TRRAP: variants seen among roughly 807,000 people sequenced by gnomAD.
TRRAP encodes the protein transformation/transcription domain associated protein.
TRRAP carries 41 observed loss-of-function variants against 438.8 expected under a neutral mutation model. The ratio of observed to expected loss-of-function variants is 0.09; its 90% CI spans 0.07 to 0.12. TRRAP has a LOEUF of 0.12. Ranked by LOEUF, TRRAP falls within the 10% of genes least tolerant of loss-of-function variation. The pLI is 1.00. For synonymous variants in TRRAP, 1,994 were observed against 1,962.9 expected (o/e 1.02, Z -0.42); for missense variants, 3,122 against 5,055.1 (o/e 0.62, Z 11.60).
intron 6 of TRRAP, among the ~76,000 whole-genome samples, chr7:98,895,364 G>C (rs1240166711): frequency 1.3e-5 from 2 of 152,124 alleles, no homozygotes; most frequent in African/African-American, 4.8e-5. Flanking sequence ...GAGAATTACC[G>C]AGGCAAAGGC....
Position 98,892,693 on chromosome 7 carries a change from C to T in TRRAP, c.366+165C>T, listed in dbSNP as rs116459984. Among the ~76,000 whole-genome samples the T allele has an allele frequency of 6.0e-4, 91 of 152,336 alleles. 1 individual carries two copies. Among genetic ancestry groups the T allele is most frequent in the African/African-American group, 2.1e-3 (88 of 41,578 alleles). Reference sequence around the variant, plus strand: ...TGTCCCTTTTCCCCCATTTCCTCCACTCAGAAAGATTACTTAATTGAAAAT... The same window carrying T: ...TGTCCCTTTTCCCCCATTTCCTCCATTCAGAAAGATTACTTAATTGAAAAT... On this transcript the variant is annotated intron_variant, in intron 5 of 72. Coordinates refer to ENST00000456197, the MANE Select transcript of TRRAP (RefSeq NM_001375524.1).
chr7:98,963,875 G>A (rs1232061712), intron 47 of TRRAP, among the ~76,000 whole-genome samples: 2 of 152,120 alleles, frequency 1.3e-5, no homozygotes, highest in Non-Finnish European at 2.9e-5. Context: ...GAGGTCAGGA[G>A]TTTGAGACCA....
intron 16 of TRRAP, among the ~76,000 whole-genome samples, 177 bp downstream of exon 16, chr7:98,910,784 T>A (rs1261172602): frequency 3.3e-5 from 5 of 152,190 alleles, no homozygotes; most frequent in Non-Finnish European, 5.9e-5. Context: ...AATTCTTATT[T>A]ATAAGAGTCT....
rs1793523751 is a variant in TRRAP, at chr7:98,993,572, C to T, written c.9882C>T (p.Asn3294=). 6.2e-7 allele frequency: 1 copy of T among 1,613,442 alleles called. No individual in the cohort carries two copies. Among genetic ancestry groups the T allele is most frequent in the Non-Finnish European group, 8.5e-7 (1 of 1,180,042 alleles). ...AGCAGCAGCCAAGTTCAGTGGGTAA[C>T]CAGTCCCATTCTGCATCAGATCCAG... is the stretch of plus-strand genomic sequence containing the variant. ...SGQQQPSSVG[N]QSHSASDPGP... Residue 3294 remains asparagine (N), a synonymous_variant, in exon 66 of 73, where the codon AAC becomes AAT. Coordinates refer to ENST00000456197, the MANE Select transcript of TRRAP (RefSeq NM_001375524.1).
intron 53 of TRRAP, among the ~76,000 whole-genome samples, chr7:98,975,357 G>A (rs1792609901): frequency 6.6e-6 from 1 of 152,244 alleles, no homozygotes. Context: ...CAGGGACAGT[G>A]TGGCTGTCAG....
chr7:98,945,093 C>CA (rs1554416485), intron 31 of TRRAP, among the ~76,000 whole-genome samples: 1 of 152,350 alleles, frequency 6.6e-6, no homozygotes, highest in East Asian at 1.9e-4. Flanking sequence ...GCGTGAGTGA[C>CA]AGTGGCCAGC....
intron 56 of TRRAP, 101 bp downstream of exon 56, chr7:98,977,177 T>C (rs1307359928): frequency 6.6e-7 from 1 of 1,526,670 alleles, no homozygotes; most frequent in African/African-American, 1.4e-5. Flanking sequence ...GTTCTCTTTT[T>C]TTGAGATGGA....
At chr7:98,990,180 A>G (rs2116793549) in intron 63 of TRRAP, among the ~76,000 whole-genome samples, 1 of 152,350 alleles carries the variant, frequency 6.6e-6, no homozygotes, top group South Asian at 2.1e-4. Flanking sequence ...GTGAGCCAAG[A>G]TCGCACCACG....
chr7:98,920,577 C>T lies in TRRAP; in HGVS notation c.2623-1176C>T, dbSNP rs571929340. 4.1e-3 allele frequency among the ~76,000 whole-genome samples: 627 copies of T among 151,878 alleles called. 5 individuals are homozygous for T. The highest frequency in any genetic ancestry group is 7.5e-3 in the Admixed American group (114 of 15,278). On this transcript the variant is annotated intron_variant, in intron 20 of 72. Coordinates refer to ENST00000456197, the MANE Select transcript of TRRAP (RefSeq NM_001375524.1). ...ATGGGGGGAAATTTACAGTTTTTTG[C>T]GACAGTTGAGTGCGGATATTTCTTA...
chr7:98,930,050 T>A lies in TRRAP; in HGVS notation c.3237T>A (p.Ser1079Arg). 6.2e-7 allele frequency: 1 copy of A among 1,614,184 alleles called. No homozygotes were observed. The highest frequency in any genetic ancestry group is 1.1e-5 in the South Asian group (1 of 91,088). ...AGCCCAGCACAGCCATGTTTCACAG[T>A]GAAGAAAATGGCTCGAAAGGAATGG... ...GSQPSTAMFH[S>R]EENGSKGMDP... Residue 1079 changes from serine (S) to arginine (R), a missense_variant, in exon 24 of 73, where the codon AGT (serine) becomes AGA (arginine). By Grantham distance (110) the Ser-to-Arg change is moderately radical. Coordinates refer to ENST00000456197, the MANE Select transcript of TRRAP (RefSeq NM_001375524.1).
At position 99,011,937 on chromosome 7, in the gene TRRAP, G is replaced by A. The variant is rs112553714; in HGVS notation, c.11338-134G>A. On this transcript the variant is annotated intron_variant, in intron 72 of 72. Coordinates refer to ENST00000456197, the MANE Select transcript of TRRAP (RefSeq NM_001375524.1). The surrounding 1 kb of genome is among the most constrained non-coding windows in gnomAD (Gnocchi z 7.1). ...GCCCGTCCTGAGGGCACACAGCCTGGCCTGGTGCTGAAACTCGACTGGCCC... is the reference window on the plus strand; with the variant it reads ...GCCCGTCCTGAGGGCACACAGCCTGACCTGGTGCTGAAACTCGACTGGCCC... 2 of 1,179,068 alleles carry A rather than the reference G, an allele frequency of 1.7e-6. No individual in the cohort carries two copies. Among genetic ancestry groups the A allele is most frequent in the Non-Finnish European group, 2.4e-6 (2 of 846,000 alleles). The allele number at this position is 1,179,068 out of a possible 1,614,324, so 73.0% of individuals were successfully genotyped here.
rs781891524 is a variant in TRRAP at position 98,895,748 on chromosome 7, T to G, written c.451-16T>G. The stretch of plus-strand genomic sequence containing the variant: ...TATGAATATCTTCCTATAACGAAAG[T>G]GTCTGCTTTTTTTAGATTCATCATT... On this transcript the variant is annotated splice_polypyrimidine_tract_variant and intron_variant, in intron 6 of 72. Coordinates refer to ENST00000456197, the MANE Select transcript of TRRAP (RefSeq NM_001375524.1). The G allele has an allele frequency of 2.6e-5, 41 of 1,593,758 alleles. No homozygotes were observed. The highest frequency in any genetic ancestry group is 3.2e-5 in the Non-Finnish European group (38 of 1,170,578).
chr7:98,968,917 A>G (rs1792280315), intron 51 of TRRAP, among the ~76,000 whole-genome samples: 1 of 152,240 alleles, frequency 6.6e-6, no homozygotes, highest in Non-Finnish European at 1.5e-5. Flanking sequence ...GCACTGGGTC[A>G]GGTGCTAAAA....
intron 3 of TRRAP, among the ~76,000 whole-genome samples, chr7:98,885,521 G>T (rs1006733019): frequency 6.6e-6 from 1 of 152,006 alleles, no homozygotes; most frequent in Non-Finnish European, 1.5e-5. Flanking sequence ...ACTATCTGTA[G>T]CAATGGATAG....
At chr7:98,941,060 C>G (rs567634444) in intron 30 of TRRAP, among the ~76,000 whole-genome samples, 4 of 152,160 alleles carry the variant, frequency 2.6e-5, no homozygotes, top group Non-Finnish European at 5.9e-5. Flanking sequence ...ATTTTGAGTT[C>G]ATTTTTGTAT....
At chr7:98,989,517 T>C (rs1311101205) in intron 63 of TRRAP, among the ~76,000 whole-genome samples, 1 of 152,254 alleles carries the variant, frequency 6.6e-6, no homozygotes, top group African/African-American at 2.4e-5. Context: ...CCAGAATTAA[T>C]TCCAGCAGGA....
chr7:98,961,387 G>A lies in TRRAP; in HGVS notation c.6616G>A (p.Ala2206Thr), dbSNP rs773968859. Residue 2206 changes from alanine to threonine, a missense_variant, in exon 46 of 73, where the codon GCC becomes ACC. Physicochemically the swap from Ala to Thr is moderately conservative, Grantham distance 58. Transcript: ENST00000456197. The part of the protein sequence containing the change: ...SFKPLQRGIA[A>T]CMTCGNTKVL... ...CAAACCTCTGCAGCGTGGAATTGCC[G>A]CCTGCATGACATGTGGAAACACCAA... The A allele has an allele frequency of 3.7e-6, 6 of 1,614,168 alleles. No homozygotes were observed. The highest frequency in any genetic ancestry group is 2.2e-5 in the East Asian group (1 of 44,880).
At chr7:98,997,104 G>A (rs1398705798) in intron 67 of TRRAP, among the ~76,000 whole-genome samples, 3 of 151,910 alleles carry the variant, frequency 2.0e-5, no homozygotes, top group Non-Finnish European at 2.9e-5. Context: ...TCAGGAGTTC[G>A]AGACCAGCCT....
chr7:98,909,303 C>T (rs1554408151), intron 14 of TRRAP, among the ~76,000 whole-genome samples: 1 of 152,182 alleles, frequency 6.6e-6, no homozygotes, highest in Non-Finnish European at 1.5e-5. Context: ...GGATTACAGG[C>T]GTGAGCCACC....
Sources: gnomAD v4.1 joint callset for allele counts (sites outside exome capture counted in the v4.1 genomes callset) on GRCh38, gnomAD v4.1.1 for gene constraint, Gnocchi (gnomAD v3.1) non-coding constraint, MANE v1.5 for transcripts, NCBI Gene and HGNC (gene_info 2026-07-23, HGNC 2026-07-21) for gene names.